SEPTIN8: variants seen among roughly 807,000 people sequenced by gnomAD.
SEPTIN8 encodes the protein septin-8.
SEPTIN8 carries 22 observed loss-of-function variants against 53.1 expected under a neutral mutation model. That is an observed-to-expected ratio of 0.41 (90% CI 0.30 to 0.59). The LOEUF is 0.59. SEPTIN8 is among the 20% of genes least tolerant of loss of function. The probability of loss-of-function intolerance (pLI) is 0.24; values close to 1 mark genes in which losing one functional copy is unlikely to be tolerated. For missense variants in SEPTIN8, 536 were observed against 638.7 expected (o/e 0.84, Z 1.73); for synonymous variants, 228 against 248.4 (o/e 0.92, Z 0.77).
chr5:132,752,951 T>C lies in SEPTIN8; in HGVS notation c.1287-770A>G, dbSNP rs558681312. The stretch of plus-strand genomic sequence containing the variant: ...CAGTCATCCTCCTGCACAGACAACT[T>C]TGTGTCACCTGCCAACTAGCCCCTC... On this transcript the variant is annotated intron_variant, in intron 9 of 9. Transcript: ENST00000378719. 3.7e-6 allele frequency: 6 copies of C among 1,614,050 alleles called. No homozygotes were observed. The highest frequency in any genetic ancestry group is 2.2e-5 in the South Asian group (2 of 91,082).
chr5:132,758,420 C>T, intron 9 of SEPTIN8: 3 of 1,561,912 alleles, frequency 1.9e-6, no homozygotes, highest in South Asian at 1.2e-5. Flanking sequence ...CGCAGCTGCA[C>T]CTAGGGCACC....
At chr5:132,758,391 C>A in intron 9 of SEPTIN8, 1 of 1,450,372 alleles carries the variant, frequency 6.9e-7, no homozygotes. Context: ...GTGAATTTTG[C>A]AGCATGTATA....
intron 9 of SEPTIN8, chr5:132,758,355 A>G (rs1486002472): frequency 7.1e-7 from 1 of 1,404,812 alleles, no homozygotes; most frequent in African/African-American, 1.4e-5. Flanking sequence ...GCTGTAGGTT[A>G]GAAAAATTAA....
In SEPTIN8 at chr5:132,761,975, C is replaced by G. The variant is rs1756025846; in HGVS notation, c.697-79G>C. On this transcript the variant is annotated intron_variant, in intron 5 of 9. Coordinates refer to ENST00000378719, the MANE Select transcript of SEPTIN8 (RefSeq NM_001098811.2). The surrounding 1 kb of genome is among the most constrained non-coding windows in gnomAD (Gnocchi z 5.8). ...GACTCTCCCTCCCTGCCCCTGGGTC[C>G]TAGGGAGGGGCAGCCAGACCTGAAC... 1 of 1,302,622 alleles carries G rather than the reference C, an allele frequency of 7.7e-7. No individual in the cohort carries two copies. The highest frequency in any genetic ancestry group is 1.5e-5 in the African/African-American group (1 of 68,030). 80.7% of individuals were successfully genotyped at this position (1,302,622 alleles called of 1,614,324 possible).
In SEPTIN8 at chr5:132,762,439, T is replaced by C. The variant is rs1581160225; in HGVS notation, c.696+45A>G. The C allele has an allele frequency of 6.3e-6, 10 of 1,594,162 alleles. No homozygotes were observed. In the East Asian group the frequency reaches 2.2e-4, roughly 36 times the overall value. ...GCTGTGTCAGATCTGTGCCGGCTCC[T>C]CGCCCTCTGGCCCCAGGGCCCTGAG... On this transcript the variant is annotated intron_variant, in intron 5 of 9. Transcript: ENST00000378719.
At chr5:132,771,664 G>A (rs563313835) in intron 1 of SEPTIN8, among the ~76,000 whole-genome samples, 5 of 152,286 alleles carry the variant, frequency 3.3e-5, no homozygotes, top group South Asian at 4.1e-4. Context: ...TGCTAGCCCC[G>A]GCTCCAGCTC....
At chr5:132,767,452 G>A (rs916066329) in intron 1 of SEPTIN8, among the ~76,000 whole-genome samples, 3 of 152,048 alleles carry the variant, frequency 2.0e-5, no homozygotes, top group African/African-American at 7.2e-5. Context: ...TTACGTTCCA[G>A]ACCCCTCACT....
In SEPTIN8 at chr5:132,761,526, C is replaced by T; in HGVS notation, c.894G>A (p.Glu298=). The part of the protein sequence containing the change: ...LREQTHSRHY[E]LYRRCKLEEM... Reference sequence around the variant, plus strand: ...CCTCCAACTTGCAGCGCCGGTAGAGCTCGTAGTGCCGGCTGTGGGTCTGCT... The same window carrying T: ...CCTCCAACTTGCAGCGCCGGTAGAGTTCGTAGTGCCGGCTGTGGGTCTGCT... Residue 298 remains glutamate (E), a synonymous_variant, in exon 7 of 10, where the codon GAG becomes GAA. Coordinates refer to ENST00000378719, the MANE Select transcript of SEPTIN8 (RefSeq NM_001098811.2). The surrounding 1 kb of genome is among the most constrained non-coding windows in gnomAD (Gnocchi z 5.8). 1 of 1,613,922 alleles carries T rather than the reference C, an allele frequency of 6.2e-7. No individual in the cohort carries two copies. The highest frequency in any genetic ancestry group is 8.5e-7 in the Non-Finnish European group (1 of 1,180,022).
intron 3 of SEPTIN8, 119 bp downstream of exon 3, chr5:132,764,105 G>C: frequency 8.8e-7 from 1 of 1,138,632 alleles, no homozygotes; most frequent in Non-Finnish European, 1.2e-6. Flanking sequence ...CAGAGCCTCA[G>C]ATATTCCCCA....
chr5:132,771,935 G>T (rs1416856781), intron 1 of SEPTIN8, among the ~76,000 whole-genome samples: 1 of 152,098 alleles, frequency 6.6e-6, no homozygotes, highest in Non-Finnish European at 1.5e-5. Flanking sequence ...ATAGAGGCAG[G>T]ATATACCTGT....
intron 9 of SEPTIN8, chr5:132,756,100 G>C (rs1043437944): frequency 8.1e-6 from 8 of 985,310 alleles, no homozygotes; most frequent in Non-Finnish European, 9.6e-6. Context: ...GAATTAACAC[G>C]TGAAGCAATT....
intron 4 of SEPTIN8, 138 bp downstream of exon 4, chr5:132,763,568 G>A (rs1415588220): frequency 9.6e-6 from 7 of 725,860 alleles, no homozygotes; most frequent in Non-Finnish European, 1.7e-5. Context: ...ACAGAGAGAG[G>A]ACCGAGCCAA....
At chr5:132,759,367 C>T (rs1177391735) in intron 9 of SEPTIN8, among the ~76,000 whole-genome samples, 4 of 152,164 alleles carry the variant, frequency 2.6e-5, no homozygotes, top group Admixed American at 6.5e-5. Flanking sequence ...GGAGACCAGA[C>T]ACCAGTGACA....
chr5:132,750,911 A>G lies in SEPTIN8; in HGVS notation c.*1105T>C, dbSNP rs979892286. On this transcript the variant is annotated 3_prime_UTR_variant, in exon 10 of 10. Coordinates refer to ENST00000378719, the MANE Select transcript of SEPTIN8 (RefSeq NM_001098811.2). The stretch of plus-strand genomic sequence containing the variant: ...GCACTATGGCTCTGACTATTCCCCG[A>G]ATGAGCTGCTGAGGATGGAGCTGGC... The G allele has an allele frequency of 6.2e-7, 1 of 1,614,160 alleles. No individual in the cohort carries two copies. Among genetic ancestry groups the G allele is most frequent in the African/African-American group, 1.3e-5 (1 of 74,956 alleles).
intron 9 of SEPTIN8, chr5:132,755,977 A>G: frequency 3.0e-6 from 3 of 985,322 alleles, no homozygotes; most frequent in Non-Finnish European, 3.6e-6. Context: ...CAGAAAAGCT[A>G]CTGCCCAAAA....
At chr5:132,767,278 G>C (rs1007373143) in intron 1 of SEPTIN8, among the ~76,000 whole-genome samples, 1 of 152,122 alleles carries the variant, frequency 6.6e-6, no homozygotes, top group East Asian at 1.9e-4. Flanking sequence ...GAGGTGCTGG[G>C]TCAGGTCCAA....
Position 132,752,112 on chromosome 5 carries a change from G to T in SEPTIN8, c.1356C>A (p.Ala452=). ...LSSSKVMMTK[A]SVEPLNCSSW... is the part of the protein sequence containing the mutation. ...TGCTGCAGTTCAAGGGCTCCACACT[G>T]GCCTTGGTCATCATCACCTTAGAGC... Residue 452 remains alanine (A), a synonymous_variant, in exon 10 of 10, where the codon GCC becomes GCA. Transcript: ENST00000378719. 1 of 1,599,040 alleles carries T rather than the reference G, an allele frequency of 6.3e-7. No individual in the cohort carries two copies.
intron 1 of SEPTIN8, among the ~76,000 whole-genome samples, chr5:132,774,393 C>T (rs531280343): frequency 3.9e-5 from 6 of 152,234 alleles, no homozygotes; most frequent in South Asian, 2.1e-4. Context: ...AGCTGGCCCT[C>T]GGGGAAGAAA....
rs1486286273 is a variant in SEPTIN8 at position 132,776,922 on chromosome 5, C to G, written c.30+186G>C. ...CGACCAGCCGCCCGGCAAGGCAGGCCGCCCGACGCTCCGGGACCCCCCGAT... is the reference window on the plus strand; with the variant it reads ...CGACCAGCCGCCCGGCAAGGCAGGCGGCCCGACGCTCCGGGACCCCCCGAT... On this transcript the variant is annotated intron_variant, in intron 1 of 9. Coordinates refer to ENST00000378719, the MANE Select transcript of SEPTIN8 (RefSeq NM_001098811.2). This position sits in a 1 kb window ranked among gnomAD's most constrained non-coding sequence, Gnocchi z 4.4. Among the ~76,000 whole-genome samples the G allele has an allele frequency of 6.6e-6, 1 of 152,194 alleles. No homozygotes were observed. Among genetic ancestry groups the G allele is most frequent in the South Asian group, 2.1e-4 (1 of 4,828 alleles).
Sources: gnomAD v4.1 joint callset for allele counts (sites outside exome capture counted in the v4.1 genomes callset) on GRCh38, gnomAD v4.1.1 for gene constraint, Gnocchi (gnomAD v3.1) non-coding constraint, MANE v1.5 for transcripts, NCBI Gene and HGNC (gene_info 2026-07-23, HGNC 2026-07-21) for gene names.